ZCCHC7: variants seen among roughly 807,000 people sequenced by gnomAD.
ZCCHC7 encodes the protein zinc finger CCHC domain-containing protein 7.
A neutral mutation model predicts 52.0 loss-of-function variants in ZCCHC7; 35 were observed. The ratio of observed to expected loss-of-function variants is 0.67; its 90% CI spans 0.51 to 0.89. ZCCHC7 has a LOEUF of 0.89. ZCCHC7 is among the 40% of genes least tolerant of loss of function. The pLI is 0.00. For synonymous variants in ZCCHC7, 217 were observed against 221.5 expected (o/e 0.98, Z 0.18); for missense variants, 574 against 649.1 (o/e 0.88, Z 1.26).
intron 2 of ZCCHC7, among the ~76,000 whole-genome samples, chr9:37,284,535 T>G (rs978773707): frequency 6.6e-6 from 1 of 152,152 alleles, no homozygotes; most frequent in Non-Finnish European, 1.5e-5. Context: ...AGTATCCTGG[T>G]TTTTATCAGG....
chr9:37,316,953 C>T (rs994170281), intron 5 of ZCCHC7, among the ~76,000 whole-genome samples: 12 of 149,072 alleles, frequency 8.0e-5, no homozygotes, highest in African/African-American at 2.5e-4. Context: ...TAATAATAAT[C>T]AGAGATGTCT....
intron 8 of ZCCHC7, 88 bp from the exon 9 acceptor site, chr9:37,356,745 TTC>T: frequency 8.2e-7 from 1 of 1,215,690 alleles, no homozygotes; most frequent in Non-Finnish European, 1.1e-6. Context: ...AATATCTAGC[TTC>T]CCTGTCTGTT....
intron 2 of ZCCHC7, among the ~76,000 whole-genome samples, chr9:37,179,321 GGTGAACAATACCCTGTGTGGT>G (rs1271899132): frequency 2.0e-5 from 3 of 152,018 alleles, no homozygotes; most frequent in Non-Finnish European, 4.4e-5. Context: ...AGATGCAGTG[GGTGAACAATACCCTGTGTGGT>G]GTGACAGGTA....
chr9:37,121,162 C>T (rs1842300459), intron 1 of ZCCHC7, among the ~76,000 whole-genome samples: 1 of 152,172 alleles, frequency 6.6e-6, no homozygotes, highest in Non-Finnish European at 1.5e-5. Context: ...CCCTCCCATC[C>T]TGTGAGCGGA....
At chr9:37,297,662 T>C (rs1183387217) in intron 2 of ZCCHC7, among the ~76,000 whole-genome samples, 1 of 152,208 alleles carries the variant, frequency 6.6e-6, no homozygotes, top group Non-Finnish European at 1.5e-5. Context: ...GAGGAAATGA[T>C]TCTTAGTCTC....
At chr9:37,281,164 C>T (rs920607888) in intron 2 of ZCCHC7, among the ~76,000 whole-genome samples, 5 of 152,120 alleles carry the variant, frequency 3.3e-5, no homozygotes, top group Admixed American at 1.3e-4. Flanking sequence ...CACAGGCGTA[C>T]ATCACTATGG....
chr9:37,337,345 C>G (rs947107844), intron 6 of ZCCHC7, among the ~76,000 whole-genome samples: 1 of 149,986 alleles, frequency 6.7e-6, no homozygotes, highest in Non-Finnish European at 1.5e-5. Context: ...GTAATGACTG[C>G]TTTTGGTGCA....
intron 2 of ZCCHC7, among the ~76,000 whole-genome samples, chr9:37,298,259 A>T (rs1828876413): frequency 6.6e-6 from 1 of 152,214 alleles, no homozygotes; most frequent in African/African-American, 2.4e-5. Context: ...AAAGTGTAAA[A>T]AAATAGACTG....
chr9:37,120,643 AC>A lies in ZCCHC7; in HGVS notation c.-22+25del, dbSNP rs765482761. 1,017 of 393,890 alleles carry A rather than the reference AC, an allele frequency of 2.6e-3. 2 individuals are homozygous for A. Among genetic ancestry groups the A allele is most frequent in the Non-Finnish European group, 2.9e-3 (656 of 222,964 alleles). The allele number at this position is 393,890 out of a possible 1,614,324, so 24.4% of individuals were successfully genotyped here. The stretch of plus-strand genomic sequence containing the variant: ...GCGGCAGTGAGTATGTGTGTGACGG[AC>A]CCCCGCCGCCCGCGGCTCGGGACCC... On this transcript the variant is annotated intron_variant, in intron 1 of 8. Coordinates refer to ENST00000336755, the MANE Select transcript of ZCCHC7 (RefSeq NM_032226.3).
chr9:37,235,645 C>A (rs909653331), intron 2 of ZCCHC7, among the ~76,000 whole-genome samples: 2 of 150,144 alleles, frequency 1.3e-5, no homozygotes, highest in Non-Finnish European at 3.0e-5. Context: ...GGCTGGAGTG[C>A]AGTGACACAA....
At chr9:37,134,701 G>GT (rs1344383473) in intron 2 of ZCCHC7, among the ~76,000 whole-genome samples, 1 of 151,936 alleles carries the variant, frequency 6.6e-6, no homozygotes, top group Non-Finnish European at 1.5e-5. Flanking sequence ...TCTTGCCCTT[G>GT]TTTTTTGTTG....
At chr9:37,326,701 G>T (rs1234156999) in intron 5 of ZCCHC7, among the ~76,000 whole-genome samples, 1 of 151,858 alleles carries the variant, frequency 6.6e-6, no homozygotes, top group Non-Finnish European at 1.5e-5. Flanking sequence ...TTTTCAGATT[G>T]TATGAATTAC....
chr9:37,145,175 A>T (rs754245858), intron 2 of ZCCHC7, among the ~76,000 whole-genome samples: 1 of 151,952 alleles, frequency 6.6e-6, no homozygotes, highest in Non-Finnish European at 1.5e-5. Flanking sequence ...GCTAAAGGGA[A>T]GTTTTAACAG....
chr9:37,308,606 T>G (rs1829445079), intron 5 of ZCCHC7, among the ~76,000 whole-genome samples: 1 of 152,158 alleles, frequency 6.6e-6, no homozygotes, highest in South Asian at 2.1e-4. Context: ...CCAATGAATG[T>G]AGGTTTTTTT....
At chr9:37,314,567 C>T (rs1423108615) in intron 5 of ZCCHC7, among the ~76,000 whole-genome samples, 1 of 151,990 alleles carries the variant, frequency 6.6e-6, no homozygotes, top group Non-Finnish European at 1.5e-5. Context: ...TCATTAACAA[C>T]TCTAAGGCTA....
chr9:37,258,165 G>A (rs1476291303), intron 2 of ZCCHC7, among the ~76,000 whole-genome samples: 2 of 152,166 alleles, frequency 1.3e-5, no homozygotes, highest in African/African-American at 4.8e-5. Flanking sequence ...CTTTTATCAT[G>A]ACTTTGAGCA....
chr9:37,221,812 T>A (rs991251406), intron 2 of ZCCHC7, among the ~76,000 whole-genome samples: 1 of 152,172 alleles, frequency 6.6e-6, no homozygotes, highest in Non-Finnish European at 1.5e-5. Flanking sequence ...TTAAAAAGTT[T>A]TTTTTTGTAA....
chr9:37,127,931 T>C (rs1842611158), intron 2 of ZCCHC7, among the ~76,000 whole-genome samples: 1 of 152,190 alleles, frequency 6.6e-6, no homozygotes, highest in South Asian at 2.1e-4. Context: ...AAATAATACC[T>C]ATAGAAATGG....
chr9:37,292,347 G>A (rs1222209172), intron 2 of ZCCHC7, among the ~76,000 whole-genome samples: 5 of 152,132 alleles, frequency 3.3e-5, no homozygotes, highest in Non-Finnish European at 7.4e-5. Flanking sequence ...GACTAAACTT[G>A]GAGAGATGAA....
Sources: gnomAD v4.1 joint callset for allele counts (sites outside exome capture counted in the v4.1 genomes callset) on GRCh38, gnomAD v4.1.1 for gene constraint, MANE v1.5 for transcripts, NCBI Gene and HGNC (gene_info 2026-07-23, HGNC 2026-07-21) for gene names.